Variants in ADCY2 observed in about 807,000 individuals in gnomAD.
ADCY2 encodes adenylate cyclase type 2.
ADCY2 carries 31 observed loss-of-function variants against 125.2 expected under a neutral mutation model. That is an observed-to-expected ratio of 0.25 (90% confidence interval 0.19 to 0.33). The LOEUF (loss-of-function observed/expected upper bound fraction) is 0.33. Among genes scored for constraint, ADCY2 ranks in the 10% least tolerant of loss-of-function variants. The probability of loss-of-function intolerance (pLI) is 1.00; values close to 1 mark genes in which losing one functional copy is unlikely to be tolerated. For missense variants in ADCY2, 904 were observed against 1,418.2 expected, an observed-to-expected ratio of 0.64 and a Z score of 5.82; for synonymous variants, 512 against 548.4, an observed-to-expected ratio of 0.93 and a Z score of 0.93.
chr5:7,609,771 C>T (rs1182951770), intron 3 of ADCY2, among the ~76,000 whole-genome samples: 3 of 152,164 alleles, frequency 2.0e-5, no homozygotes, highest in Non-Finnish European at 2.9e-5. Flanking sequence ...GGGAGTATTA[C>T]TCCAGTGATA....
chr5:7,644,410 C>A (rs1442964138), intron 4 of ADCY2, among the ~76,000 whole-genome samples: 1 of 152,056 alleles, frequency 6.6e-6, no homozygotes, highest in Non-Finnish European at 1.5e-5. Flanking sequence ...TTGGAGACAC[C>A]GTTTCTATTC....
chr5:7,795,823 A>C (rs936507236), intron 20 of ADCY2: 2 of 152,206 alleles, frequency 1.3e-5, no homozygotes, highest in African/African-American at 4.8e-5. Flanking sequence ...GATTGTTTAC[A>C]CTATACTGTA....
intron 3 of ADCY2, among the ~76,000 whole-genome samples, chr5:7,625,145 G>A (rs1273158126): frequency 6.6e-6 from 1 of 152,154 alleles, no homozygotes; most frequent in Non-Finnish European, 1.5e-5. Flanking sequence ...TTATACATGT[G>A]GTTGACCACT....
intron 15 of ADCY2, among the ~76,000 whole-genome samples, chr5:7,752,992 G>A (rs879290923): frequency 1.3e-4 from 20 of 151,166 alleles, no homozygotes; most frequent in East Asian, 3.9e-4. Flanking sequence ...TCTGCCTCCC[G>A]GGTTCAAGCA....
At chr5:7,704,029 C>T (rs1741179409) in intron 7 of ADCY2, among the ~76,000 whole-genome samples, 1 of 144,526 alleles carries the variant, frequency 6.9e-6, no homozygotes, top group South Asian at 2.1e-4. Flanking sequence ...TTTTGTTACA[C>T]CCCTACCCCC....
intron 12 of ADCY2, among the ~76,000 whole-genome samples, chr5:7,719,707 A>G (rs1287798192): frequency 1.3e-5 from 2 of 152,174 alleles, no homozygotes; most frequent in Non-Finnish European, 2.9e-5. Context: ...GACTCCAAGG[A>G]CACTCATACT....
chr5:7,764,168 G>T (rs1421308905), intron 16 of ADCY2, among the ~76,000 whole-genome samples: 1 of 152,192 alleles, frequency 6.6e-6, no homozygotes. Context: ...GTTTATCCAT[G>T]TGATACCAAC....
rs138538064 is a variant in ADCY2 at position 7,715,630 on chromosome 5, C to T, written c.1623-1527C>T. 1.3e-4 allele frequency among the ~76,000 whole-genome samples: 20 copies of T among 151,786 alleles called. 1 individual carries two copies. Among genetic ancestry groups the T allele is most frequent in the African/African-American group, 4.6e-4 (19 of 41,370 alleles). ...CTTGGAATTTGGTATGCTAAAACCT[C>T]TTAATTCATTTGGCTCAATATCTGT... On this transcript the variant is annotated intron_variant, in intron 11 of 24. Transcript: ENST00000338316.
At chr5:7,507,064 A>C (rs1161585265) in intron 2 of ADCY2, among the ~76,000 whole-genome samples, 1 of 150,878 alleles carries the variant, frequency 6.6e-6, no homozygotes, top group Non-Finnish European at 1.5e-5. Context: ...CTACACGCCA[A>C]GTTACAGAGG....
At chr5:7,473,633 T>C (rs1232395202) in intron 2 of ADCY2, among the ~76,000 whole-genome samples, 2 of 152,158 alleles carry the variant, frequency 1.3e-5, no homozygotes, top group Non-Finnish European at 2.9e-5. Context: ...GATCTTCACC[T>C]GTACCCTGGG....
At chr5:7,436,191 G>A (rs991999332) in intron 2 of ADCY2, among the ~76,000 whole-genome samples, 1 of 152,150 alleles carries the variant, frequency 6.6e-6, no homozygotes, top group African/African-American at 2.4e-5. Context: ...CGAAAATATT[G>A]TGACCAGGGG....
At chr5:7,588,596 A>C (rs2126621235) in intron 3 of ADCY2, among the ~76,000 whole-genome samples, 1 of 152,324 alleles carries the variant, frequency 6.6e-6, no homozygotes, top group East Asian at 1.9e-4. Context: ...TCATGGGCCA[A>C]ACTACTCATC....
In ADCY2 at chr5:7,513,078, G is replaced by GACACACACACACACACAC. The variant is rs142515106; in HGVS notation, c.409-7648_409-7631dup. Reference sequence around the variant, plus strand: ...GAGGGAGAATATGTGGAAAATACATGACACACACACACACACACACACACA... The same window carrying GACACACACACACACACAC: ...GAGGGAGAATATGTGGAAAATACATGACACACACACACACACACACACACACACACACACACACACACA... On this transcript the variant is annotated intron_variant, in intron 2 of 24. Coordinates refer to ENST00000338316, the MANE Select transcript of ADCY2 (RefSeq NM_020546.3). Among the ~76,000 whole-genome samples the GACACACACACACACACAC allele has an allele frequency of 4.5e-3, 559 of 123,964 alleles. 4 individuals carry two copies. The highest frequency in any genetic ancestry group is 0.012 in the African/African-American group (387 of 33,316). The allele number at this position is 123,964 out of a possible 152,430, so 81.3% of individuals were successfully genotyped here.
At chr5:7,420,584 T>A (rs2126348784) in intron 2 of ADCY2, among the ~76,000 whole-genome samples, 1 of 152,222 alleles carries the variant, frequency 6.6e-6, no homozygotes, top group East Asian at 1.9e-4. Context: ...ACCACCCCCA[T>A]CCCGAAGGTT....
At chr5:7,730,506 C>A (rs1339295311) in intron 14 of ADCY2, among the ~76,000 whole-genome samples, 1 of 152,050 alleles carries the variant, frequency 6.6e-6, no homozygotes, top group Non-Finnish European at 1.5e-5. Context: ...TTATTCGTTT[C>A]TTCAAATTTA....
At chr5:7,443,307 T>C (rs992806071) in intron 2 of ADCY2, among the ~76,000 whole-genome samples, 6 of 152,168 alleles carry the variant, frequency 3.9e-5, no homozygotes, top group African/African-American at 1.2e-4. Context: ...TACTCTTACA[T>C]TTAAAATCTA....
Position 7,396,258 on chromosome 5 carries a change from G to T in ADCY2, c.-39G>T. On this transcript the variant is annotated 5_prime_UTR_variant, in exon 1 of 25. Coordinates refer to ENST00000338316, the MANE Select transcript of ADCY2 (RefSeq NM_020546.3). The surrounding 1 kb of genome is among the most constrained non-coding windows in gnomAD (Gnocchi z 5.7). ...CGGCCGCGGCGAGCGGCGCTGCCCG[G>T]GCCGGGCGCGCACGGCGGGCGCCCT... The T allele has an allele frequency of 9.6e-7, 1 of 1,044,626 alleles. No homozygotes were observed. The highest frequency in any genetic ancestry group is 1.2e-6 in the Non-Finnish European group (1 of 866,406). 64.7% of individuals were successfully genotyped at this position (1,044,626 alleles called of 1,614,324 possible).
At chr5:7,531,356 T>C (rs1041003458) in intron 3 of ADCY2, among the ~76,000 whole-genome samples, 1 of 152,134 alleles carries the variant, frequency 6.6e-6, no homozygotes, top group Non-Finnish European at 1.5e-5. Flanking sequence ...CTAAGTTTTG[T>C]GGTCTTGAAG....
chr5:7,756,096 G>A (rs1352081649), intron 15 of ADCY2, among the ~76,000 whole-genome samples: 1 of 152,238 alleles, frequency 6.6e-6, no homozygotes, highest in Non-Finnish European at 1.5e-5. Flanking sequence ...AGATAACAAT[G>A]TCAATCCCTG....
Sources: gnomAD v4.1 joint callset for allele counts (sites outside exome capture counted in the v4.1 genomes callset) on GRCh38, gnomAD v4.1.1 for gene constraint, Gnocchi (gnomAD v3.1) non-coding constraint, MANE v1.5 for transcripts, NCBI Gene and HGNC (gene_info 2026-07-23, HGNC 2026-07-21) for gene names.